Variants in ZHX2 observed in about 807,000 individuals in gnomAD.
The protein encoded by ZHX2 is zinc fingers and homeoboxes protein 2.
A neutral mutation model predicts 21.9 loss-of-function variants in ZHX2; 6 were observed. The ratio of observed to expected loss-of-function variants is 0.27; its 90% CI spans 0.15 to 0.54. ZHX2 has a LOEUF of 0.54. Among genes scored for constraint, ZHX2 ranks in the 20% least tolerant of loss-of-function variants. The pLI, the probability that ZHX2 is intolerant of heterozygous loss-of-function variation, is 0.95. For synonymous variants in ZHX2, 434 were observed against 437.1 expected, an observed-to-expected ratio of 0.99 and a Z score of 0.09; for missense variants, 908 against 1,090.7, an observed-to-expected ratio of 0.83 and a Z score of 2.36.
chr8:122,907,107 G>A (rs999354812), intron 2 of ZHX2, among the ~76,000 whole-genome samples: 3 of 152,192 alleles, frequency 2.0e-5, no homozygotes, highest in African/African-American at 7.2e-5. Context: ...CTGAGCCTTA[G>A]TTTCCTCATG....
intron 3 of ZHX2, among the ~76,000 whole-genome samples, chr8:122,958,532 T>G (rs914403382): frequency 7.9e-5 from 12 of 152,200 alleles, no homozygotes; most frequent in Non-Finnish European, 1.5e-4. Context: ...GTCTACTAAG[T>G]CACTTCAACT....
chr8:122,931,305 G>A (rs1001839481), intron 2 of ZHX2, among the ~76,000 whole-genome samples: 1 of 152,280 alleles, frequency 6.6e-6, no homozygotes, highest in African/African-American at 2.4e-5. Context: ...GCCAGAGTTT[G>A]TGCGGTAGGC....
chr8:122,846,356 C>G (rs981222288), intron 1 of ZHX2, among the ~76,000 whole-genome samples: 1 of 152,160 alleles, frequency 6.6e-6, no homozygotes, highest in African/African-American at 2.4e-5. Context: ...TCTCTTGCTC[C>G]TGGGCATTGA....
intron 2 of ZHX2, among the ~76,000 whole-genome samples, chr8:122,909,876 C>T (rs1043594385): frequency 2.6e-5 from 4 of 152,202 alleles, no homozygotes; most frequent in South Asian, 2.1e-4. Context: ...GCTTCTTGCC[C>T]GCCTAAAACC....
At chr8:122,811,743 G>A (rs1005007267) in intron 1 of ZHX2, among the ~76,000 whole-genome samples, 4 of 152,208 alleles carry the variant, frequency 2.6e-5, no homozygotes, top group Admixed American at 6.5e-5. Flanking sequence ...GGTCCAGAGC[G>A]TTTACGTAAA....
chr8:122,902,002 C>T (rs189472575), intron 2 of ZHX2, among the ~76,000 whole-genome samples: 156 of 151,828 alleles, frequency 1.0e-3, no homozygotes, highest in African/African-American at 3.5e-3. Flanking sequence ...TTTTCAGAAG[C>T]CCCAGTCCTA....
intron 2 of ZHX2, among the ~76,000 whole-genome samples, chr8:122,897,549 TA>T (rs1332308325): frequency 6.6e-6 from 1 of 152,200 alleles, no homozygotes; most frequent in African/African-American, 2.4e-5. Context: ...TTTATCTTCT[TA>T]ATGTAGTGTT....
At chr8:122,798,197 C>A (rs1817649886) in intron 1 of ZHX2, among the ~76,000 whole-genome samples, 1 of 152,112 alleles carries the variant, frequency 6.6e-6, no homozygotes, top group Non-Finnish European at 1.5e-5. Flanking sequence ...TTCTGCTACG[C>A]CTATGCATTC....
At chr8:122,931,130 C>T (rs2130142045) in intron 2 of ZHX2, among the ~76,000 whole-genome samples, 1 of 152,310 alleles carries the variant, frequency 6.6e-6, no homozygotes, top group East Asian at 1.9e-4. Flanking sequence ...GAGCTGAACA[C>T]CATCAGGTCC....
intron 1 of ZHX2, among the ~76,000 whole-genome samples, chr8:122,788,217 T>TGA (rs1817438121): frequency 6.6e-6 from 1 of 152,232 alleles, no homozygotes. Flanking sequence ...TCATTTAATC[T>TGA]GACCCTGAGG....
At chr8:122,835,631 A>G (rs547688906) in intron 1 of ZHX2, among the ~76,000 whole-genome samples, 271 of 152,196 alleles carry the variant, frequency 1.8e-3, no homozygotes, top group Non-Finnish European at 3.0e-3. Context: ...AAGGGCTGGG[A>G]GGGGTGGACA....
chr8:122,791,681 G>T (rs935599812), intron 1 of ZHX2, among the ~76,000 whole-genome samples: 1 of 152,112 alleles, frequency 6.6e-6, no homozygotes, highest in Non-Finnish European at 1.5e-5. Flanking sequence ...CCTGACCAAT[G>T]TGGTGAAACC....
chr8:122,957,312 A>AG (rs1022914400), intron 3 of ZHX2, among the ~76,000 whole-genome samples: 2 of 151,388 alleles, frequency 1.3e-5, no homozygotes, highest in Non-Finnish European at 2.9e-5. Context: ...AAAAAAAAAA[A>AG]AACATGCAGG....
In ZHX2 at chr8:122,952,191, G is replaced by A. The variant is rs3204141; in HGVS notation, c.681G>A (p.Ser227=). 524,974 of 1,612,874 alleles carry A rather than the reference G, an allele frequency of 0.33. 89,885 individuals are homozygous for A. Among genetic ancestry groups the A allele is most frequent in the South Asian group, 0.39 (35,615 of 90,986 alleles). The change falls in exon 3 of 4, where the codon TCG becomes TCA. Residue 227 remains serine, a synonymous_variant. Transcript: ENST00000314393. The surrounding 1 kb of genome is among the most constrained non-coding windows in gnomAD (Gnocchi z 6.9). The part of the protein sequence containing the change: ...RLVTDTAEIL[S]RLGGVELLQD... Reference sequence around the variant, plus strand: ...TGACAGACACAGCTGAGATCCTCTCGAGACTCGGCGGGGTGGAGCTCCTCC... The same window carrying A: ...TGACAGACACAGCTGAGATCCTCTCAAGACTCGGCGGGGTGGAGCTCCTCC...
At chr8:122,855,306 C>T (rs1819000499) in intron 1 of ZHX2, among the ~76,000 whole-genome samples, 1 of 152,192 alleles carries the variant, frequency 6.6e-6, no homozygotes, top group African/African-American at 2.4e-5. Context: ...ATTCTACATA[C>T]AAGTTTGTAT....
intron 3 of ZHX2, among the ~76,000 whole-genome samples, chr8:122,956,746 A>G (rs899849298): frequency 1.3e-5 from 2 of 152,216 alleles, no homozygotes; most frequent in Non-Finnish European, 2.9e-5. Context: ...ATGTTTGCTG[A>G]ATTTGAATAG....
chr8:122,792,044 T>A (rs186344823), intron 1 of ZHX2, among the ~76,000 whole-genome samples: 19 of 152,318 alleles, frequency 1.2e-4, no homozygotes, highest in African/African-American at 4.6e-4. Flanking sequence ...TACAAAATTA[T>A]GCAACCATTA....
chr8:122,784,934 C>A (rs1817363137), intron 1 of ZHX2, among the ~76,000 whole-genome samples: 1 of 152,198 alleles, frequency 6.6e-6, no homozygotes, highest in Non-Finnish European at 1.5e-5. Flanking sequence ...GAGACAGAGC[C>A]CCCCTGGCAG....
intron 2 of ZHX2, among the ~76,000 whole-genome samples, chr8:122,891,821 A>T (rs1438672114): frequency 6.6e-6 from 1 of 152,060 alleles, no homozygotes; most frequent in Non-Finnish European, 1.5e-5. Context: ...ACTTATCGAG[A>T]GTTGTTTTGT....
Sources: allele counts gnomAD v4.1 joint callset (sites outside exome capture counted in the v4.1 genomes callset), GRCh38; gene constraint gnomAD v4.1.1; non-coding constraint Gnocchi (gnomAD v3.1); transcripts MANE v1.5; gene names NCBI Gene and HGNC (gene_info 2026-07-23, HGNC 2026-07-21).